KAT6A: variants seen among roughly 807,000 people sequenced by gnomAD.
KAT6A encodes the protein lysine acetyltransferase 6A.
In KAT6A, 9 loss-of-function variants were observed where a neutral mutation model predicts 198.4. The ratio of observed to expected loss-of-function variants is 0.05; its 90% CI spans 0.03 to 0.08. The LOEUF is 0.08. KAT6A is among the 10% of genes least tolerant of loss of function. KAT6A has a pLI of 1.00. For synonymous variants in KAT6A, 890 were observed against 883.0 expected, an observed-to-expected ratio of 1.01 and a Z score of -0.14; for missense variants, 2,077 against 2,509.9, an observed-to-expected ratio of 0.83 and a Z score of 3.69.
intron 3 of KAT6A, among the ~76,000 whole-genome samples, chr8:41,985,654 T>G (rs1338441784): frequency 6.6e-6 from 1 of 152,170 alleles, no homozygotes; most frequent in Non-Finnish European, 1.5e-5. Flanking sequence ...CTCTTCCAGA[T>G]AGAGGCAGAC....
chr8:41,940,932 G>A lies in KAT6A; in HGVS notation c.2949C>T (p.Gly983=), dbSNP rs144003650. The A allele has an allele frequency of 2.5e-6, 4 of 1,614,046 alleles. No homozygotes were observed. The highest frequency in any genetic ancestry group is 3.4e-6 in the Non-Finnish European group (4 of 1,180,038). The stretch of plus-strand genomic sequence containing the variant: ...CCTCCTCCTCGCTGCTCTCACTGAA[G>A]CCCCTGAGGACAGCCCTGTCACCCT... ...YSEGDRAVLR[G]FSESSEEEEE... Residue 983 remains glycine (G), a synonymous_variant, in exon 15 of 17, where the codon GGC becomes GGT. Coordinates refer to ENST00000265713, the MANE Select transcript of KAT6A (RefSeq NM_006766.5).
intron 2 of KAT6A, among the ~76,000 whole-genome samples, chr8:42,027,231 G>A (rs1826864406): frequency 1.3e-5 from 2 of 152,134 alleles, no homozygotes; most frequent in South Asian, 4.1e-4. Context: ...CTATTGGCCT[G>A]TAGTTTTCTT....
intron 3 of KAT6A, among the ~76,000 whole-genome samples, chr8:41,986,530 T>TA (rs1194814091): frequency 6.6e-6 from 1 of 152,034 alleles, no homozygotes; most frequent in Non-Finnish European, 1.5e-5. Flanking sequence ...AGATGTTAAA[T>TA]ACTGAAATGT....
chr8:42,002,073 C>T (rs989664037), intron 2 of KAT6A, among the ~76,000 whole-genome samples: 2 of 152,226 alleles, frequency 1.3e-5, no homozygotes, highest in African/African-American at 4.8e-5. Context: ...CTACTGAGAA[C>T]TTAATCACAA....
chr8:41,981,104 G>C (rs922253281), intron 4 of KAT6A, among the ~76,000 whole-genome samples, 177 bp from the exon 5 acceptor site: 1 of 152,170 alleles, frequency 6.6e-6, no homozygotes, highest in Non-Finnish European at 1.5e-5. Context: ...TGGATCATGA[G>C]GTCAGGAGTT....
At chr8:42,038,091 G>A (rs900263062) in intron 2 of KAT6A, among the ~76,000 whole-genome samples, 1 of 152,178 alleles carries the variant, frequency 6.6e-6, no homozygotes, top group Non-Finnish European at 1.5e-5. Flanking sequence ...TTTGTACCTT[G>A]CTATCTCTAG....
chr8:41,930,055 CT>C lies in KAT6A; in HGVS notation c.*2149del, dbSNP rs962476036. On this transcript the variant is annotated 3_prime_UTR_variant, in exon 17 of 17. Transcript: ENST00000265713. Reference sequence around the variant, plus strand: ...ATTTCTTTTATAATATAGAAAAGAACTTTTTTTTTCTACAATAGTTCTACAG... The same window carrying C: ...ATTTCTTTTATAATATAGAAAAGAACTTTTTTTTCTACAATAGTTCTACAG... 3.1e-5 allele frequency: 7 copies of C among 226,426 alleles called. No homozygotes were observed. The highest frequency in any genetic ancestry group is 1.3e-3 in the Middle Eastern group (1 of 764). 14.0% of individuals were successfully genotyped at this position (226,426 alleles called of 1,614,324 possible).
Position 41,929,974 on chromosome 8 carries a change from A to T in KAT6A, c.*2231T>A, listed in dbSNP as rs1368595238. The T allele has an allele frequency of 4.6e-6, 1 of 219,252 alleles. No individual in the cohort carries two copies. The highest frequency in any genetic ancestry group is 9.1e-6 in the Non-Finnish European group (1 of 109,388). The allele number at this position is 219,252 out of a possible 1,614,324, so 13.6% of individuals were successfully genotyped here. A position where few individuals can be genotyped will look rare whatever the true frequency, so the allele number is the denominator to read the frequency against. ...ACCCAAGTTATCTTGCTAAAAATAC[A>T]TTTTTTTTAAACAGAAGTGAAAAAA... On this transcript the variant is annotated 3_prime_UTR_variant, in exon 17 of 17. Coordinates refer to ENST00000265713, the MANE Select transcript of KAT6A (RefSeq NM_006766.5).
chr8:42,016,630 G>A (rs538099018), intron 2 of KAT6A, among the ~76,000 whole-genome samples: 45 of 152,202 alleles, frequency 3.0e-4, no homozygotes, highest in African/African-American at 7.0e-4. Flanking sequence ...ACTGTAATGT[G>A]AGAACAACTA....
intron 7 of KAT6A, among the ~76,000 whole-genome samples, chr8:41,976,264 T>C (rs1379231651): frequency 6.6e-6 from 1 of 152,244 alleles, no homozygotes; most frequent in African/African-American, 2.4e-5. Flanking sequence ...ATTCTCATTC[T>C]ACTTTCTTCA....
At chr8:42,037,629 A>G (rs555131194) in intron 2 of KAT6A, among the ~76,000 whole-genome samples, 2 of 151,728 alleles carry the variant, frequency 1.3e-5, no homozygotes, top group Admixed American at 1.3e-4. Flanking sequence ...CTGCGGAATC[A>G]CCTATTCTAC....
intron 2 of KAT6A, among the ~76,000 whole-genome samples, chr8:42,025,648 G>C (rs1342842080): frequency 6.6e-6 from 1 of 152,088 alleles, no homozygotes; most frequent in Non-Finnish European, 1.5e-5. Context: ...GTACATTCTA[G>C]ATATTAGTCC....
intron 1 of KAT6A, among the ~76,000 whole-genome samples, chr8:42,051,570 C>A (rs1390419550): frequency 6.9e-6 from 1 of 145,128 alleles, no homozygotes; most frequent in East Asian, 2.0e-4. Flanking sequence ...CGCCGCCCGC[C>A]CACCCGCCGG....
chr8:42,035,923 C>CA (rs1827355848), intron 2 of KAT6A, among the ~76,000 whole-genome samples: 1 of 151,930 alleles, frequency 6.6e-6, no homozygotes, highest in South Asian at 2.1e-4. Flanking sequence ...ATGATAGAGT[C>CA]AAAAAATGGG....
At chr8:42,013,952 C>G (rs1826141364) in intron 2 of KAT6A, among the ~76,000 whole-genome samples, 1 of 152,188 alleles carries the variant, frequency 6.6e-6, no homozygotes, top group Non-Finnish European at 1.5e-5. Flanking sequence ...GTTAAAACCA[C>G]TCAAGTCTGC....
Position 41,932,125 on chromosome 8 carries a change from T to C in KAT6A, c.*80A>G, listed in dbSNP as rs760638192. 14 of 1,229,588 alleles carry C rather than the reference T, an allele frequency of 1.1e-5. No homozygotes were observed. The highest frequency in any genetic ancestry group is 1.4e-5 in the Non-Finnish European group (13 of 954,268). The allele number at this position is 1,229,588 out of a possible 1,614,324, so 76.2% of individuals were successfully genotyped here. A position where few individuals can be genotyped will look rare whatever the true frequency, so the allele number is the denominator to read the frequency against. On this transcript the variant is annotated 3_prime_UTR_variant, in exon 17 of 17. Transcript: ENST00000265713. ...CAGCAATATTTTAACTGGAAAAAGG[T>C]CCATTTTTCTCTGGTTTGTCAGTAT...
Position 42,048,833 on chromosome 8 carries a change from C to T in KAT6A, c.145G>A (p.Glu49Lys). The change falls in exon 2 of 17, where the codon GAA becomes AAA. Residue 49 changes from glutamate (E) to lysine (K), a missense_variant. Around this residue, in one of 13 missense-constraint regions of KAT6A, gnomAD observed 35 missense variants for 76.6 expected, o/e 0.46. Coordinates refer to ENST00000265713, the MANE Select transcript of KAT6A (RefSeq NM_006766.5). ...SHGLDRKTVLEQLELSVKDGT... is the reference protein window; with the variant it reads ...SHGLDRKTVLKQLELSVKDGT... Reference sequence around the variant, plus strand: ...TCTTTAACACTCAACTCCAATTGTTCTAAAACAGTTTTACGATCCAAGCCA... The same window carrying T: ...TCTTTAACACTCAACTCCAATTGTTTTAAAACAGTTTTACGATCCAAGCCA... The T allele has an allele frequency of 6.2e-7, 1 of 1,614,120 alleles. No homozygotes were observed. Among genetic ancestry groups the T allele is most frequent in the South Asian group, 1.1e-5 (1 of 91,086 alleles).
Position 41,930,466 on chromosome 8 carries a change from G to A in KAT6A, c.*1739C>T. ...CACGCTTGAGAAAGTCAATTAAAGT[G>A]TATTAAAAAAACCAACAAACCTGTG... On this transcript the variant is annotated 3_prime_UTR_variant, in exon 17 of 17. Transcript: ENST00000265713. 1 of 213,558 alleles carries A rather than the reference G, an allele frequency of 4.7e-6. No individual in the cohort carries two copies. The highest frequency in any genetic ancestry group is 9.4e-6 in the Non-Finnish European group (1 of 106,028). The allele number at this position is 213,558 out of a possible 1,614,324, so 13.2% of individuals were successfully genotyped here. A position where few individuals can be genotyped will look rare whatever the true frequency, so the allele number is the denominator to read the frequency against.
intron 9 of KAT6A, among the ~76,000 whole-genome samples, chr8:41,953,082 T>C (rs1243625220): frequency 6.6e-6 from 1 of 152,252 alleles, no homozygotes; most frequent in African/African-American, 2.4e-5. Flanking sequence ...TGGCATTATT[T>C]ATTCTTTCAC....
Sources: gnomAD v4.1 joint callset for allele counts (sites outside exome capture counted in the v4.1 genomes callset) on GRCh38, gnomAD v4.1.1 for gene constraint, gnomAD v4.1.1 regional missense constraint, MANE v1.5 for transcripts, NCBI Gene and HGNC (gene_info 2026-07-23, HGNC 2026-07-21) for gene names.